The following PPARGC1A variants were observed in gnomAD, a reference collection of about 807,000 sequenced individuals.
PPARGC1A encodes PPARG coactivator 1 alpha, also known as peroxisome proliferator-activated receptor gamma coactivator 1-alpha.
In PPARGC1A, 25 loss-of-function variants were observed where a neutral mutation model predicts 88.7. That is an observed-to-expected ratio of 0.28 (90% CI 0.21 to 0.39). The LOEUF (loss-of-function observed/expected upper bound fraction) is 0.39, where lower values mean the gene tolerates loss of function less well. Among genes scored for constraint, PPARGC1A ranks in the 10% least tolerant of loss-of-function variants. The pLI is 1.00. For synonymous variants in PPARGC1A, 363 were observed against 355.6 expected (o/e 1.02, Z -0.24); for missense variants, 880 against 968.7 (o/e 0.91, Z 1.22).
chr4:24,178,625 T>C, the PPARGC1A span, among the ~76,000 whole-genome samples: 1 of 152,356 alleles, frequency 6.6e-6, no homozygotes, highest in East Asian at 1.9e-4. Context: ...TACCTGCTAA[T>C]GCACAATCTA....
chr4:23,944,981 C>T, the PPARGC1A span, among the ~76,000 whole-genome samples: 2 of 152,132 alleles, frequency 1.3e-5, no homozygotes, highest in African/African-American at 4.8e-5. Flanking sequence ...AGCTATATGA[C>T]CTTGGGCAAG....
At chr4:24,026,008 T>G in the PPARGC1A span, among the ~76,000 whole-genome samples, 2 of 152,216 alleles carry the variant, frequency 1.3e-5, no homozygotes, top group African/African-American at 4.8e-5. Context: ...TCCAAAGTAA[T>G]GCTGTGCTTT....
intron 2 of PPARGC1A, among the ~76,000 whole-genome samples, chr4:23,872,987 G>A (rs1713752054): frequency 6.6e-6 from 1 of 151,804 alleles, no homozygotes; most frequent in South Asian, 2.1e-4. Context: ...TCAGGAGATA[G>A]AGACCATCCT....
the PPARGC1A span, among the ~76,000 whole-genome samples, chr4:24,368,877 C>G: frequency 6.6e-6 from 1 of 152,038 alleles, no homozygotes; most frequent in Non-Finnish European, 1.5e-5. Context: ...TTTCTTGTGG[C>G]CTGTTAACTC....
At chr4:23,952,380 T>C in the PPARGC1A span, among the ~76,000 whole-genome samples, 2 of 152,116 alleles carry the variant, frequency 1.3e-5, no homozygotes, top group African/African-American at 4.8e-5. Context: ...TCAGCCAATG[T>C]GAAGCACCGC....
the PPARGC1A span, among the ~76,000 whole-genome samples, chr4:24,220,350 C>T: frequency 2.0e-5 from 3 of 152,224 alleles, no homozygotes; most frequent in Admixed American, 6.5e-5. Flanking sequence ...AATTGCCATT[C>T]GGCCCAGCAA....
At chr4:23,961,008 A>G in the PPARGC1A span, among the ~76,000 whole-genome samples, 2 of 152,146 alleles carry the variant, frequency 1.3e-5, no homozygotes, top group Non-Finnish European at 2.9e-5. Context: ...CTAAGTCTAC[A>G]TGTTGGTAAA....
At chr4:24,249,810 C>G in the PPARGC1A span, among the ~76,000 whole-genome samples, 1 of 152,146 alleles carries the variant, frequency 6.6e-6, no homozygotes, top group Non-Finnish European at 1.5e-5. Flanking sequence ...CTCAATTTCC[C>G]CATTGATGAC....
chr4:23,844,482 TATA>T (rs1186660348), intron 2 of PPARGC1A, among the ~76,000 whole-genome samples: 3 of 26,872 alleles, frequency 1.1e-4, no homozygotes, highest in African/African-American at 3.1e-4. Flanking sequence ...ATTAATATAT[TATA>T]ATAATCATAA....
At chr4:24,202,697 G>C in the PPARGC1A span, among the ~76,000 whole-genome samples, 1 of 152,162 alleles carries the variant, frequency 6.6e-6, no homozygotes, top group Admixed American at 6.5e-5. Flanking sequence ...CCCTGGGGCA[G>C]AGAGCCAGCC....
chr4:23,844,301 T>C (rs1050922704), intron 2 of PPARGC1A, among the ~76,000 whole-genome samples: 3 of 53,824 alleles, frequency 5.6e-5, no homozygotes, highest in Non-Finnish European at 1.0e-4. Flanking sequence ...CATGTGTACA[T>C]GACAACATAT....
the PPARGC1A span, among the ~76,000 whole-genome samples, chr4:24,132,329 T>C: frequency 6.6e-6 from 1 of 151,922 alleles, no homozygotes; most frequent in African/African-American, 2.4e-5. Flanking sequence ...AAATCAATTA[T>C]CAACCCTCTT....
At chr4:24,027,230 T>TGTGTGTGTGTGTGTGTGG in the PPARGC1A span, among the ~76,000 whole-genome samples, 1 of 127,398 alleles carries the variant, frequency 7.8e-6, no homozygotes. Context: ...TGTGTGTCTG[T>TGTGTGTGTGTGTGTGTGG]GTGTGTCTGT....
the PPARGC1A span, among the ~76,000 whole-genome samples, chr4:24,037,278 G>A: frequency 6.6e-6 from 1 of 152,056 alleles, no homozygotes; most frequent in Non-Finnish European, 1.5e-5. Flanking sequence ...GTCTTTCTGA[G>A]ATATTAGAAA....
chr4:24,136,474 C>T, the PPARGC1A span, among the ~76,000 whole-genome samples: 7 of 152,160 alleles, frequency 4.6e-5, no homozygotes, highest in East Asian at 3.9e-4. Context: ...CCGAAAGTCA[C>T]GATCAGAGGT....
At chr4:23,975,057 G>C in the PPARGC1A span, among the ~76,000 whole-genome samples, 266 of 151,942 alleles carry the variant, frequency 1.8e-3, no homozygotes, top group Non-Finnish European at 3.2e-3. Flanking sequence ...GCAGGAGAGA[G>C]GTTATAATGC....
the PPARGC1A span, among the ~76,000 whole-genome samples, chr4:24,124,008 G>T: frequency 2.0e-5 from 3 of 152,072 alleles, no homozygotes; most frequent in East Asian, 5.8e-4. Context: ...GTGACAGGAC[G>T]GGGAGAGATG....
rs112407859 is a variant in PPARGC1A, at chr4:23,897,452, G to A, written n.52+1815C>T. Among the ~76,000 whole-genome samples the A allele has an allele frequency of 7.7e-3, 1,169 of 152,176 alleles. 6 individuals carry two copies. Among genetic ancestry groups the A allele is most frequent in the Non-Finnish European group, 0.013 (874 of 68,016 alleles). ...GATTCATGTAATGATACTGAGCCTCGGTTTCCTTATCTGTCAACAAAGATG... is the reference window on the plus strand; with the variant it reads ...GATTCATGTAATGATACTGAGCCTCAGTTTCCTTATCTGTCAACAAAGATG... On this transcript the variant is annotated intron_variant and non_coding_transcript_variant, in intron 1 of 3. Transcript: ENST00000507342.
At chr4:23,923,274 T>C in the PPARGC1A span, among the ~76,000 whole-genome samples, 3,328 of 152,236 alleles carry the variant, frequency 0.022, 94 homozygotes, top group South Asian at 0.15. Context: ...GGCCTTACAT[T>C]ATATGCAGGT....
Sources: allele counts gnomAD v4.1 joint callset (sites outside exome capture counted in the v4.1 genomes callset), GRCh38; gene constraint gnomAD v4.1.1; transcripts MANE v1.5; gene names NCBI Gene and HGNC (gene_info 2026-07-23, HGNC 2026-07-21).